The following MAGI2 variants were observed in gnomAD, a reference collection of about 807,000 sequenced individuals.
The protein encoded by MAGI2 is membrane-associated guanylate kinase, WW and PDZ domain-containing protein 2.
MAGI2 carries 35 observed loss-of-function variants against 133.3 expected under a neutral mutation model. The ratio of observed to expected loss-of-function variants is 0.26; its 90% CI spans 0.20 to 0.35. MAGI2 has a LOEUF of 0.35. MAGI2 is among the 10% of genes least tolerant of loss of function. MAGI2 has a pLI of 1.00. For synonymous variants in MAGI2, 729 were observed against 710.6 expected (o/e 1.03, Z -0.41); for missense variants, 1,636 against 1,863.4 (o/e 0.88, Z 2.25).
At chr7:79,050,196 T>A (rs113669720) in intron 1 of MAGI2, among the ~76,000 whole-genome samples, 3 of 152,162 alleles carry the variant, frequency 2.0e-5, no homozygotes, top group African/African-American at 7.2e-5. Context: ...TTGGGCTCCA[T>A]GCACACGTGG....
intron 1 of MAGI2, among the ~76,000 whole-genome samples, chr7:79,122,670 G>C (rs1820010372): frequency 1.3e-5 from 2 of 150,030 alleles, no homozygotes; most frequent in Admixed American, 1.3e-4. Context: ...TTGAGATGGA[G>C]TTTTGCTCTT....
chr7:78,503,036 T>C (rs950721364), intron 4 of MAGI2, among the ~76,000 whole-genome samples: 1 of 151,998 alleles, frequency 6.6e-6, no homozygotes. Context: ...GCTTCCATAC[T>C]GAACAGATAT....
At chr7:78,971,580 G>A (rs183085030) in intron 2 of MAGI2, among the ~76,000 whole-genome samples, 81 of 151,888 alleles carry the variant, frequency 5.3e-4, no homozygotes, top group African/African-American at 1.7e-3. Flanking sequence ...TGCAATATTA[G>A]GTCTTGTATT....
At chr7:79,232,639 A>T (rs1401971242) in intron 1 of MAGI2, among the ~76,000 whole-genome samples, 2 of 104,766 alleles carry the variant, frequency 1.9e-5, no homozygotes, top group East Asian at 2.8e-4. Flanking sequence ...CGGTGGTGAT[A>T]TCCCCTTTAT....
At chr7:78,197,871 G>C (rs1348851140) in intron 11 of MAGI2, 2 of 152,506 alleles carry the variant, frequency 1.3e-5, no homozygotes, top group African/African-American at 4.8e-5. Flanking sequence ...CAAACCACCT[G>C]CCCTGGGGTC....
chr7:78,403,551 T>A (rs997636404), intron 6 of MAGI2, among the ~76,000 whole-genome samples: 1 of 152,186 alleles, frequency 6.6e-6, no homozygotes, highest in Non-Finnish European at 1.5e-5. Context: ...TATTTCTAGG[T>A]CTAGATCCTT....
chr7:78,406,204 A>G (rs1170194002), intron 6 of MAGI2, among the ~76,000 whole-genome samples: 1 of 152,032 alleles, frequency 6.6e-6, no homozygotes, highest in East Asian at 1.9e-4. Flanking sequence ...TTTAATTCTC[A>G]TTTACGAGCA....
chr7:78,683,405 G>A (rs1482634433), intron 2 of MAGI2, among the ~76,000 whole-genome samples: 1 of 152,112 alleles, frequency 6.6e-6, no homozygotes, highest in East Asian at 1.9e-4. Context: ...AGATGTCAAG[G>A]GCAGAGTATG....
chr7:78,342,775 C>T (rs1790522289), intron 9 of MAGI2, among the ~76,000 whole-genome samples: 2 of 152,186 alleles, frequency 1.3e-5, no homozygotes, highest in Admixed American at 1.3e-4. Flanking sequence ...CACATGGACA[C>T]AGGGAGGAGA....
chr7:79,123,748 T>C (rs568589351), intron 1 of MAGI2, among the ~76,000 whole-genome samples: 1 of 124,810 alleles, frequency 8.0e-6, no homozygotes, highest in Admixed American at 1.1e-4. Context: ...ATCGCACCAC[T>C]GCATTCCAGC....
chr7:78,972,755 T>C (rs773849982), intron 2 of MAGI2, among the ~76,000 whole-genome samples: 2 of 151,924 alleles, frequency 1.3e-5, no homozygotes, highest in African/African-American at 4.8e-5. Flanking sequence ...TGGTATTGTA[T>C]AACCATAGCA....
At chr7:79,257,342 A>G (rs1406287261) in intron 1 of MAGI2, among the ~76,000 whole-genome samples, 2 of 152,208 alleles carry the variant, frequency 1.3e-5, no homozygotes, top group Admixed American at 6.5e-5. Flanking sequence ...TCTGAGTGAT[A>G]TTACTTTAAC....
intron 10 of MAGI2, among the ~76,000 whole-genome samples, chr7:78,232,914 T>C (rs1025826219): frequency 1.3e-5 from 2 of 152,212 alleles, no homozygotes; most frequent in African/African-American, 4.8e-5. Context: ...CAGAGGTTTT[T>C]ACATGTTTTG....
chr7:79,411,572 C>CA (rs1846143192), intron 1 of MAGI2: 1 of 152,144 alleles, frequency 6.6e-6, no homozygotes, highest in African/African-American at 2.4e-5. Context: ...GCCCTGTCAA[C>CA]ACCTTGATTT....
At chr7:78,287,525 T>C (rs1427379683) in intron 9 of MAGI2, among the ~76,000 whole-genome samples, 1 of 152,174 alleles carries the variant, frequency 6.6e-6, no homozygotes, top group African/African-American at 2.4e-5. Flanking sequence ...CAGATTGTCA[T>C]TATGAAAGGA....
chr7:78,453,703 T>C (rs934111465), intron 6 of MAGI2, among the ~76,000 whole-genome samples: 2 of 152,192 alleles, frequency 1.3e-5, no homozygotes, highest in Non-Finnish European at 2.9e-5. Context: ...AAACTCTTCA[T>C]AGACATTATC....
At chr7:78,884,171 T>C (rs1436368816) in intron 2 of MAGI2, among the ~76,000 whole-genome samples, 2 of 151,988 alleles carry the variant, frequency 1.3e-5, no homozygotes, top group Non-Finnish European at 2.9e-5. Flanking sequence ...AAAAAACCAA[T>C]AACCCCATTA....
At chr7:79,002,295 A>AT (rs112154372) in intron 2 of MAGI2, among the ~76,000 whole-genome samples, 10,969 of 148,676 alleles carry the variant, frequency 0.074, 411 homozygotes, top group Non-Finnish European at 0.083. Flanking sequence ...CCAATTTTTA[A>AT]TTTTTTTTTT....
chr7:79,138,570 G>T (rs1821809523), intron 1 of MAGI2, among the ~76,000 whole-genome samples: 1 of 152,142 alleles, frequency 6.6e-6, no homozygotes, highest in Non-Finnish European at 1.5e-5. Flanking sequence ...AGACTGAAGG[G>T]AATTCCCCTA....
Sources: gnomAD v4.1 joint callset for allele counts (sites outside exome capture counted in the v4.1 genomes callset) on GRCh38, gnomAD v4.1.1 for gene constraint, MANE v1.5 for transcripts, NCBI Gene and HGNC (gene_info 2026-07-23, HGNC 2026-07-21) for gene names.